Variants in TBC1D30 observed in about 807,000 individuals in gnomAD.
TBC1D30 encodes TBC1 domain family, member 30.
A neutral mutation model predicts 63.2 loss-of-function variants in TBC1D30; 31 were observed. That is an observed-to-expected ratio of 0.49 (90% CI 0.37 to 0.66). TBC1D30 has a LOEUF of 0.66. TBC1D30 is among the 30% of genes least tolerant of loss of function. TBC1D30 has a pLI of 0.00. For synonymous variants in TBC1D30, 307 were observed against 361.5 expected, an observed-to-expected ratio of 0.85 and a Z score of 1.71; for missense variants, 810 against 953.6, an observed-to-expected ratio of 0.85 and a Z score of 1.98.
At chr12:64,780,966 G>A (rs1467962173) in exon 1 of TBC1D30, 2 of 1,054,494 alleles carry the variant, frequency 1.9e-6, no homozygotes, top group Non-Finnish European at 2.3e-6. Context: ...GAGCGGCCGC[G>A]GCGCTCCCGG....
intron 1 of TBC1D30, among the ~76,000 whole-genome samples, chr12:64,764,789 C>T (rs745880850): frequency 6.6e-6 from 1 of 152,202 alleles, no homozygotes; most frequent in South Asian, 2.1e-4. Flanking sequence ...TAAGTTTGTA[C>T]AGATGTCTTT....
rs1340405994 is a variant in TBC1D30 at position 64,832,322 on chromosome 12, A to T, written c.594+18A>T. 6.5e-7 allele frequency: 1 copy of T among 1,532,244 alleles called. No individual in the cohort carries two copies. Among genetic ancestry groups the T allele is most frequent in the Admixed American group, 2.0e-5 (1 of 50,894 alleles). The allele number at this position is 1,532,244 out of a possible 1,614,324, so 94.9% of individuals were successfully genotyped here. A position where few individuals can be genotyped will look rare whatever the true frequency, so the allele number is the denominator to read the frequency against. ...CCCTGAAAGTGAGTAGCAGGCTCTG[A>T]CAAAGGCCATGGACATTCTTCTGAG... On this transcript the variant is annotated intron_variant, in intron 5 of 11. Coordinates refer to ENST00000539867, the MANE Select transcript of TBC1D30 (RefSeq NM_015279.2).
At chr12:64,834,745 A>G (rs1213527275) in intron 5 of TBC1D30, among the ~76,000 whole-genome samples, 6 of 109,290 alleles carry the variant, frequency 5.5e-5, no homozygotes, top group Non-Finnish European at 1.1e-4. Flanking sequence ...CTAAGATTTG[A>G]CCTTGGAAAT....
rs537304726 is a variant in TBC1D30 at position 64,843,473 on chromosome 12, T to G, written c.1026T>G (p.His342Gln). The G allele has an allele frequency of 4.6e-6, 7 of 1,535,966 alleles. No homozygotes were observed. The highest frequency in any genetic ancestry group is 2.0e-5 in the Admixed American group (1 of 50,978). ...EMLENDLLQS[H>Q]ELMQTVYSMA... ...TAGAGAATGATCTTCTGCAAAGCCATGAACTCATGCAGGTGAGTCGGCAAC... is the reference window on the plus strand; with the variant it reads ...TAGAGAATGATCTTCTGCAAAGCCAGGAACTCATGCAGGTGAGTCGGCAAC... Residue 342 changes from histidine to glutamine, a missense_variant, in exon 8 of 12, where the codon CAT (histidine) becomes CAG (glutamine). Coordinates refer to ENST00000539867, the MANE Select transcript of TBC1D30 (RefSeq NM_015279.2).
chr12:64,773,141 T>C (rs1870964413), intron 1 of TBC1D30, among the ~76,000 whole-genome samples: 1 of 152,238 alleles, frequency 6.6e-6, no homozygotes, highest in African/African-American at 2.4e-5. Flanking sequence ...CATTCTACCC[T>C]GTGGGCTTTG....
rs1344925279 is a variant in TBC1D30 at position 64,875,265 on chromosome 12, C to T, written c.1763C>T (p.Thr588Ile). Residue 588 changes from threonine (T) to isoleucine (I), a missense_variant, in exon 12 of 12, where the codon ACC (threonine) becomes ATC (isoleucine). Physicochemically the swap from Thr to Ile is moderately conservative, Grantham distance 89. Around this residue, in one of 4 missense-constraint regions of TBC1D30, gnomAD observed 450 missense variants for 473.0 expected, o/e 0.95. Coordinates refer to ENST00000539867, the MANE Select transcript of TBC1D30 (RefSeq NM_015279.2). ...AAGAGTCATCCGGGCTGTGGGGACA[C>T]CGTAGGGCTGATAGATGAGCAGAAC... ...RTKSHPGCGD[T>I]VGLIDEQNEA... The T allele has an allele frequency of 2.2e-5, 34 of 1,536,260 alleles. No individual in the cohort carries two copies. The highest frequency in any genetic ancestry group is 3.0e-5 in the Non-Finnish European group (34 of 1,146,910).
intron 11 of TBC1D30, among the ~76,000 whole-genome samples, chr12:64,873,534 G>T (rs544264497): frequency 6.6e-6 from 1 of 152,238 alleles, no homozygotes; most frequent in East Asian, 1.9e-4. Context: ...GGGTAGGGGT[G>T]TCAGTGAGCC....
intron 2 of TBC1D30, among the ~76,000 whole-genome samples, chr12:64,815,703 GT>G (rs1565654041): frequency 6.6e-6 from 1 of 152,060 alleles, no homozygotes; most frequent in Non-Finnish European, 1.5e-5. Flanking sequence ...GATGACTTGG[GT>G]TCAGCTTAAT....
chr12:64,786,016 C>T (rs1231980402), exon 2 of TBC1D30: 5 of 1,288,656 alleles, frequency 3.9e-6, no homozygotes, highest in Non-Finnish European at 5.1e-6. Flanking sequence ...ATTGTGACTG[C>T]CTGCTTGCAG....
At chr12:64,786,641 A>C (rs953704304) in intron 2 of TBC1D30, among the ~76,000 whole-genome samples, 2 of 152,006 alleles carry the variant, frequency 1.3e-5, no homozygotes, top group African/African-American at 4.8e-5. Context: ...GCGCCTGGAC[A>C]AATTTTTATT....
chr12:64,804,245 T>C (rs903411711), intron 2 of TBC1D30, among the ~76,000 whole-genome samples: 1 of 152,236 alleles, frequency 6.6e-6, no homozygotes, highest in African/African-American at 2.4e-5. Flanking sequence ...TTTTATTTTC[T>C]TTGAAGCAAT....
chr12:64,792,117 T>G (rs1203439029), intron 2 of TBC1D30, among the ~76,000 whole-genome samples: 1 of 152,198 alleles, frequency 6.6e-6, no homozygotes, highest in Non-Finnish European at 1.5e-5. Flanking sequence ...AAAATATCTT[T>G]TATTATAGAA....
intron 2 of TBC1D30, among the ~76,000 whole-genome samples, chr12:64,806,968 AC>A (rs1204002958): frequency 6.6e-6 from 1 of 152,214 alleles, no homozygotes; most frequent in African/African-American, 2.4e-5. Flanking sequence ...TATAAGAGGT[AC>A]CTGCAGTAGT....
chr12:64,805,951 C>T (rs1253726953), intron 2 of TBC1D30, among the ~76,000 whole-genome samples: 1 of 152,168 alleles, frequency 6.6e-6, no homozygotes, highest in Admixed American at 6.5e-5. Context: ...GGGGAATGAG[C>T]AATTCTCTCT....
At chr12:64,872,179 C>A (rs1878705325) in intron 11 of TBC1D30, among the ~76,000 whole-genome samples, 2 of 152,136 alleles carry the variant, frequency 1.3e-5, no homozygotes, top group Admixed American at 1.3e-4. Flanking sequence ...AGGCATGCAC[C>A]ACCATGCCTG....
chr12:64,828,104 T>A (rs1874523290), intron 2 of TBC1D30, among the ~76,000 whole-genome samples: 1 of 152,230 alleles, frequency 6.6e-6, no homozygotes, highest in South Asian at 2.1e-4. Flanking sequence ...TAATGGTACA[T>A]GTGTGAAAAA....
intron 11 of TBC1D30, among the ~76,000 whole-genome samples, chr12:64,873,626 TGA>T (rs1878824184): frequency 6.6e-6 from 1 of 152,098 alleles, no homozygotes; most frequent in Non-Finnish European, 1.5e-5. Flanking sequence ...ATAGTTAGAC[TGA>T]GAGCCTGAGA....
At chr12:64,787,408 T>C (rs1871657905) in intron 2 of TBC1D30, 6 of 981,348 alleles carry the variant, frequency 6.1e-6, no homozygotes, top group Non-Finnish European at 7.3e-6. Flanking sequence ...TACAATGATG[T>C]TTTTGATAAA....
intron 6 of TBC1D30, among the ~76,000 whole-genome samples, chr12:64,837,742 CT>C (rs1875493128): frequency 6.6e-6 from 1 of 152,170 alleles, no homozygotes; most frequent in Non-Finnish European, 1.5e-5. Context: ...TAACTTGGCT[CT>C]GCAGTATAAC....
Sources: allele counts gnomAD v4.1 joint callset (sites outside exome capture counted in the v4.1 genomes callset), GRCh38; gene constraint gnomAD v4.1.1; regional missense constraint gnomAD v4.1.1; transcripts MANE v1.5; gene names NCBI Gene and HGNC (gene_info 2026-07-23, HGNC 2026-07-21).